EPB41L4A: variants seen among roughly 807,000 people sequenced by gnomAD.
EPB41L4A encodes erythrocyte membrane protein band 4.1 like 4A.
EPB41L4A carries 100 observed loss-of-function variants against 108.6 expected under a neutral mutation model. The ratio of observed to expected loss-of-function variants is 0.92; its 90% CI spans 0.78 to 1.09. The LOEUF is 1.09. Ranked by LOEUF, EPB41L4A falls within the 50% of genes least tolerant of loss-of-function variation. The pLI, the probability that EPB41L4A is intolerant of heterozygous loss-of-function variation, is 0.00. For synonymous variants in EPB41L4A, 319 were observed against 289.0 expected (o/e 1.10, Z -1.05); for missense variants, 1,030 against 842.7 (o/e 1.22, Z -2.75).
chr5:112,347,455 A>G (rs775341872), intron 1 of EPB41L4A, among the ~76,000 whole-genome samples: 2 of 152,168 alleles, frequency 1.3e-5, no homozygotes, highest in Admixed American at 6.5e-5. Flanking sequence ...TAGTGCTCAC[A>G]TTTTAATTAC....
chr5:112,419,807 C>T (rs937495461), upstream of EPB41L4A: 2 of 456,754 alleles, frequency 4.4e-6, no homozygotes, highest in Non-Finnish European at 8.8e-6. Context: ...GGCTCCCGTC[C>T]GGGGACTCCC....
chr5:112,338,598 A>AC (rs60008914), intron 1 of EPB41L4A, among the ~76,000 whole-genome samples: 38,266 of 151,362 alleles, frequency 0.25, 5,691 homozygotes, highest in African/African-American at 0.41. Context: ...AAAAAAGAAC[A>AC]CCCCCCGCCA....
intron 12 of EPB41L4A, among the ~76,000 whole-genome samples, chr5:112,218,205 G>T (rs973607184): frequency 6.6e-6 from 1 of 151,904 alleles, no homozygotes; most frequent in African/African-American, 2.4e-5. Flanking sequence ...TAGGATGAGA[G>T]ACTTCTATCT....
chr5:112,267,703 T>C (rs1331102029), intron 4 of EPB41L4A, among the ~76,000 whole-genome samples: 1 of 152,164 alleles, frequency 6.6e-6, no homozygotes, highest in African/African-American at 2.4e-5. Flanking sequence ...CCATCACTCA[T>C]ACTTACTTTC....
intron 12 of EPB41L4A, among the ~76,000 whole-genome samples, chr5:112,230,690 TGATCA>T (rs1748850578): frequency 6.6e-6 from 1 of 152,242 alleles, no homozygotes. Flanking sequence ...CTGTTTACTC[TGATCA>T]TTTCCTTTGC....
At chr5:112,250,846 C>T (rs1445738964) in intron 9 of EPB41L4A, 1 of 152,176 alleles carries the variant, frequency 6.6e-6, no homozygotes, top group East Asian at 1.9e-4. Flanking sequence ...AGTTCCAACT[C>T]AGAGACACAG....
intron 1 of EPB41L4A, chr5:112,363,626 A>G (rs932463558): frequency 2.0e-5 from 3 of 152,364 alleles, no homozygotes; most frequent in African/African-American, 7.2e-5. Context: ...CTCCACCATC[A>G]ATGTGAGATC....
intron 18 of EPB41L4A, among the ~76,000 whole-genome samples, chr5:112,179,920 C>A (rs947514914): frequency 6.6e-6 from 1 of 152,004 alleles, no homozygotes. Context: ...AGAAACTGCC[C>A]CCAACCAAAA....
chr5:112,330,432 A>G (rs1756488363), intron 1 of EPB41L4A, among the ~76,000 whole-genome samples: 1 of 152,124 alleles, frequency 6.6e-6, no homozygotes, highest in Non-Finnish European at 1.5e-5. Flanking sequence ...TTTTTAAGGG[A>G]AAAAATAAGG....
At chr5:112,319,046 G>A (rs1458943852) in intron 1 of EPB41L4A, among the ~76,000 whole-genome samples, 1 of 152,112 alleles carries the variant, frequency 6.6e-6, no homozygotes, top group Non-Finnish European at 1.5e-5. Context: ...ACCACATCTG[G>A]TACCCACATC....
At chr5:112,319,616 G>C (rs1426773771) in intron 1 of EPB41L4A, among the ~76,000 whole-genome samples, 2 of 152,208 alleles carry the variant, frequency 1.3e-5, no homozygotes, top group African/African-American at 4.8e-5. Context: ...AGAAGCATCA[G>C]ACAAGCCGAA....
intron 12 of EPB41L4A, among the ~76,000 whole-genome samples, chr5:112,157,414 A>T (rs550384805): frequency 3.9e-5 from 6 of 152,350 alleles, no homozygotes; most frequent in African/African-American, 1.4e-4. Context: ...TCTACCCCTT[A>T]TAGGTTATAT....
chr5:112,243,485 C>T lies in EPB41L4A; in HGVS notation c.796-2675G>A, dbSNP rs111764163. 4.6e-5 allele frequency among the ~76,000 whole-genome samples: 7 copies of T among 152,120 alleles called. 1 individual carries two copies. Among genetic ancestry groups the T allele is most frequent in the African/African-American group, 1.2e-4 (5 of 41,504 alleles). On this transcript the variant is annotated intron_variant, in intron 9 of 22. Transcript: ENST00000261486. ...CAGTAGCACCTAAAGAGACAGTCAC[C>T]CTGTCCTCGGAAGCTTTAATGCAGG...
chr5:112,417,358 G>A (rs1272735013), intron 1 of EPB41L4A, among the ~76,000 whole-genome samples: 2 of 152,136 alleles, frequency 1.3e-5, no homozygotes, highest in Non-Finnish European at 2.9e-5. Flanking sequence ...GATGACTTTA[G>A]ACTCCAGATA....
At chr5:112,207,219 GTCA>G (rs1258090009) in intron 13 of EPB41L4A, among the ~76,000 whole-genome samples, 1 of 152,198 alleles carries the variant, frequency 6.6e-6, no homozygotes, top group Non-Finnish European at 1.5e-5. Flanking sequence ...GGGATGGCCA[GTCA>G]TATGCAGAAG....
intron 3 of EPB41L4A, among the ~76,000 whole-genome samples, chr5:112,279,825 C>A (rs2150504931): frequency 6.6e-6 from 1 of 152,170 alleles, no homozygotes; most frequent in East Asian, 1.9e-4. Flanking sequence ...ATCACAAAGG[C>A]ACCTCTTACT....
chr5:112,211,137 C>A (rs1398175106), intron 12 of EPB41L4A, among the ~76,000 whole-genome samples: 1 of 152,122 alleles, frequency 6.6e-6, no homozygotes, highest in Non-Finnish European at 1.5e-5. Context: ...TTCTCAAGGT[C>A]CCACAGCTCC....
At chr5:112,411,656 A>G (rs931823476) in intron 1 of EPB41L4A, among the ~76,000 whole-genome samples, 10 of 152,052 alleles carry the variant, frequency 6.6e-5, no homozygotes, top group African/African-American at 2.4e-4. Context: ...GTCCAATCAC[A>G]AAGCCAGTAA....
chr5:112,243,241 A>G (rs1749931217), intron 9 of EPB41L4A, among the ~76,000 whole-genome samples: 1 of 147,666 alleles, frequency 6.8e-6, no homozygotes, highest in Non-Finnish European at 1.5e-5. Flanking sequence ...ATATCTATGT[A>G]TATATACACA....
Sources: gnomAD v4.1 joint callset for allele counts (sites outside exome capture counted in the v4.1 genomes callset) on GRCh38, gnomAD v4.1.1 for gene constraint, MANE v1.5 for transcripts, NCBI Gene and HGNC (gene_info 2026-07-23, HGNC 2026-07-21) for gene names.